CDH4: variants seen among roughly 807,000 people sequenced by gnomAD.
CDH4 encodes the protein cadherin 4.
CDH4 carries 33 observed loss-of-function variants against 86.0 expected under a neutral mutation model. That is an observed-to-expected ratio of 0.38 (90% CI 0.29 to 0.51). The LOEUF (loss-of-function observed/expected upper bound fraction) is 0.51. CDH4 is among the 20% of genes least tolerant of loss of function. CDH4 has a pLI of 0.86. For missense variants in CDH4, 1,114 were observed against 1,307.4 expected (o/e 0.85, Z 2.28); for synonymous variants, 555 against 549.4 (o/e 1.01, Z -0.14).
At chr20:61,569,107 G>A (rs148153144) in intron 2 of CDH4, among the ~76,000 whole-genome samples, 68 of 152,256 alleles carry the variant, frequency 4.5e-4, no homozygotes, top group African/African-American at 1.1e-3. Context: ...AATCCTGGCC[G>A]CGCCACTTGT....
At chr20:61,465,578 C>T (rs2085467506) in intron 2 of CDH4, among the ~76,000 whole-genome samples, 1 of 152,096 alleles carries the variant, frequency 6.6e-6, no homozygotes, top group Non-Finnish European at 1.5e-5. Flanking sequence ...GTAGAGACGG[C>T]CAAATGCATC....
intron 2 of CDH4, among the ~76,000 whole-genome samples, chr20:61,507,827 T>C (rs1194533215): frequency 2.0e-5 from 3 of 152,242 alleles, no homozygotes; most frequent in South Asian, 2.1e-4. Flanking sequence ...AAGTGTTCCA[T>C]ACTAAGGTAA....
intron 2 of CDH4, among the ~76,000 whole-genome samples, chr20:61,453,962 G>A (rs1409501573): frequency 6.6e-6 from 1 of 152,188 alleles, no homozygotes; most frequent in Non-Finnish European, 1.5e-5. Flanking sequence ...TGTGAAGAAG[G>A]ATAGGTTTGC....
At chr20:61,808,584 C>T (rs1253497535) in intron 4 of CDH4, among the ~76,000 whole-genome samples, 2 of 152,132 alleles carry the variant, frequency 1.3e-5, no homozygotes, top group Non-Finnish European at 2.9e-5. Context: ...GGAATTTATG[C>T]AAAATTCCTC....
intron 2 of CDH4, among the ~76,000 whole-genome samples, chr20:61,356,960 C>G (rs1374364278): frequency 1.3e-5 from 2 of 152,220 alleles, no homozygotes; most frequent in Non-Finnish European, 1.5e-5. Context: ...CAAAGGCAGC[C>G]CATGTGCTAA....
intron 2 of CDH4, among the ~76,000 whole-genome samples, chr20:61,445,498 C>T (rs62200874): frequency 0.25 from 38,444 of 152,012 alleles, 5,253 homozygotes; most frequent in African/African-American, 0.34. Flanking sequence ...GTGGGAGTGA[C>T]GAAGAGCTGG....
intron 2 of CDH4, among the ~76,000 whole-genome samples, chr20:61,726,446 A>G (rs2088112283): frequency 6.6e-6 from 1 of 152,130 alleles, no homozygotes; most frequent in African/African-American, 2.4e-5. Context: ...GTGTGTCCAT[A>G]TGTAAAATGG....
intron 12 of CDH4, among the ~76,000 whole-genome samples, chr20:61,929,155 A>G (rs990743684): frequency 5.1e-5 from 6 of 118,144 alleles, no homozygotes; most frequent in African/African-American, 1.4e-4. Context: ...TGTGTCTCCA[A>G]TGTCTTTTTT....
intron 3 of CDH4, among the ~76,000 whole-genome samples, chr20:61,762,308 A>G (rs557845201): frequency 1.5e-4 from 23 of 152,252 alleles, no homozygotes; most frequent in Non-Finnish European, 3.2e-4. Flanking sequence ...ACTGGCCAGC[A>G]TCTGGTATGT....
intron 2 of CDH4, among the ~76,000 whole-genome samples, chr20:61,274,530 T>TTTGGGGGAATACCATGTGCAAC (rs2084213976): frequency 7.3e-6 from 1 of 136,836 alleles, no homozygotes; most frequent in Admixed American, 7.6e-5. Flanking sequence ...CCATGTGCAG[T>TTTGGGGGAATACCATGTGCAAC]TTGGGGGAAT....
chr20:61,561,602 T>G (rs768064726), intron 2 of CDH4, among the ~76,000 whole-genome samples: 1 of 152,248 alleles, frequency 6.6e-6, no homozygotes, highest in African/African-American at 2.4e-5. Context: ...AGGTAGACTG[T>G]GGCCCGTGAG....
At chr20:61,679,649 G>A (rs979906626) in intron 2 of CDH4, among the ~76,000 whole-genome samples, 3 of 152,220 alleles carry the variant, frequency 2.0e-5, no homozygotes, top group Admixed American at 6.5e-5. Flanking sequence ...GAGCAGCTGC[G>A]TGGGGAGCAG....
chr20:61,569,256 G>A (rs528648712), intron 2 of CDH4, among the ~76,000 whole-genome samples: 2 of 152,318 alleles, frequency 1.3e-5, no homozygotes, highest in African/African-American at 2.4e-5. Flanking sequence ...ACACTGCACT[G>A]CACATAGTAA....
At chr20:61,365,188 G>T (rs957048271) in intron 2 of CDH4, among the ~76,000 whole-genome samples, 7 of 152,188 alleles carry the variant, frequency 4.6e-5, no homozygotes, top group Non-Finnish European at 8.8e-5. Context: ...GGTCATCATG[G>T]GGGCAGAAAT....
intron 2 of CDH4, among the ~76,000 whole-genome samples, chr20:61,357,143 G>A (rs1354833883): frequency 6.6e-6 from 1 of 152,186 alleles, no homozygotes; most frequent in Admixed American, 6.5e-5. Flanking sequence ...GGAATACACT[G>A]CTAGGAAGTT....
At chr20:61,450,698 AG>A (rs1044604111) in intron 2 of CDH4, among the ~76,000 whole-genome samples, 5 of 151,890 alleles carry the variant, frequency 3.3e-5, no homozygotes, top group African/African-American at 1.2e-4. Context: ...AGGACTTCTC[AG>A]GGCCTGGATC....
rs2085822648 is a variant in CDH4 at position 61,516,559 on chromosome 20, C to T, written c.170-227004C>T. Among the ~76,000 whole-genome samples, 1 of 152,148 alleles carries T rather than the reference C, an allele frequency of 6.6e-6. No individual in the cohort carries two copies. Among genetic ancestry groups the T allele is most frequent in the African/African-American group, 2.4e-5 (1 of 41,438 alleles). On this transcript the variant is annotated intron_variant, in intron 2 of 15. Transcript: ENST00000614565. This position sits in a 1 kb window ranked among gnomAD's most constrained non-coding sequence, Gnocchi z 4.0. ...GAAACTACATCTGCCTCAGACCTGC[C>T]CCCCTGAGTCACAGCATCACAGAAA...
intron 2 of CDH4, among the ~76,000 whole-genome samples, chr20:61,300,073 G>A (rs909817380): frequency 2.6e-5 from 4 of 152,070 alleles, no homozygotes; most frequent in Admixed American, 1.3e-4. Flanking sequence ...TCTTCTGCAC[G>A]CTGACTGGCC....
intron 2 of CDH4, among the ~76,000 whole-genome samples, chr20:61,552,865 GAAA>G: frequency 1.3e-5 from 2 of 148,630 alleles, no homozygotes; most frequent in Middle Eastern, 3.4e-3. Context: ...CCACTGTAAA[GAAA>G]AAAAAAAAAC....
Sources: allele counts gnomAD v4.1 joint callset (sites outside exome capture counted in the v4.1 genomes callset), GRCh38; gene constraint gnomAD v4.1.1; non-coding constraint Gnocchi (gnomAD v3.1); transcripts MANE v1.5; gene names NCBI Gene and HGNC (gene_info 2026-07-23, HGNC 2026-07-21).